The following LAMA2 variants were observed in gnomAD, a reference collection of about 807,000 sequenced individuals.
LAMA2 encodes the protein laminin subunit alpha 2.
Under a neutral mutation model 364.8 loss-of-function variants are expected in LAMA2, and 269 were observed. That is an observed-to-expected ratio of 0.74 (90% CI 0.67 to 0.82). LAMA2 has a LOEUF of 0.82. LAMA2 is among the 40% of genes least tolerant of loss of function. The pLI is 0.00. For missense variants in LAMA2, 3,807 were observed against 3,873.2 expected, an observed-to-expected ratio of 0.98 and a Z score of 0.45; for synonymous variants, 1,379 against 1,370.6, an observed-to-expected ratio of 1.01 and a Z score of -0.14.
rs768602307 is a variant in LAMA2 at position 129,192,749 on chromosome 6, G to A, written c.1678G>A (p.Asp560Asn). 5.6e-6 allele frequency: 9 copies of A among 1,614,122 alleles called. No homozygotes were observed. The highest frequency in any genetic ancestry group is 7.6e-6 in the Non-Finnish European group (9 of 1,180,008). Reference sequence around the variant, plus strand: ...CATTCGAGTGGCTCCCCAGCAGGACGACTTGGACTCACCTCAGCAGATCAG... The same window carrying A: ...CATTCGAGTGGCTCCCCAGCAGGACAACTTGGACTCACCTCAGCAGATCAG... The part of the protein sequence containing the change: ...GRIRVAPQQD[D>N]LDSPQQISIS... The change falls in exon 12 of 65, where the codon GAC becomes AAC. Residue 560 changes from aspartate (D) to asparagine (N), a missense_variant. By Grantham distance (23) the Asp-to-Asn change is conservative. This residue lies in a region of LAMA2 where 3,333 missense variants were observed against 3,345.7 expected (regional missense o/e 1.00). Transcript: ENST00000421865.
chr6:129,298,183 T>C (rs952982882), intron 21 of LAMA2, among the ~76,000 whole-genome samples: 2 of 34,856 alleles, frequency 5.7e-5, no homozygotes, highest in African/African-American at 4.3e-4. Context: ...ATTTTTCTGG[T>C]ACCAGTCTTA....
At chr6:129,144,476 C>T (rs1778315265) in intron 5 of LAMA2, among the ~76,000 whole-genome samples, 2 of 151,908 alleles carry the variant, frequency 1.3e-5, no homozygotes, top group South Asian at 4.1e-4. Flanking sequence ...GGCTTTGAAA[C>T]ATTTTTTTGC....
chr6:128,899,151 C>T (rs187877715), intron 1 of LAMA2, among the ~76,000 whole-genome samples: 1 of 152,112 alleles, frequency 6.6e-6, no homozygotes, highest in Non-Finnish European at 1.5e-5. Flanking sequence ...TATAAAATGG[C>T]CTTCATCTCC....
intron 12 of LAMA2, 48 bp from the exon 13 acceptor site, chr6:129,250,064 A>G (rs529066723): frequency 9.2e-7 from 1 of 1,089,354 alleles, no homozygotes; most frequent in African/African-American, 1.6e-5. Flanking sequence ...ATATGATTTA[A>G]TAGCCCATCT....
At chr6:129,117,672 T>C (rs143333963) in intron 4 of LAMA2, among the ~76,000 whole-genome samples, 2 of 152,318 alleles carry the variant, frequency 1.3e-5, no homozygotes, top group East Asian at 3.9e-4. Flanking sequence ...TAGCATACAG[T>C]TTGAGTGATA....
intron 4 of LAMA2, among the ~76,000 whole-genome samples, chr6:129,111,579 G>A (rs1776159332): frequency 6.6e-6 from 1 of 152,002 alleles, no homozygotes; most frequent in South Asian, 2.1e-4. Context: ...GTTTCATATG[G>A]TTTAAACTAA....
chr6:129,177,905 A>C, intron 10 of LAMA2, 39 bp downstream of exon 10: 1 of 1,595,998 alleles, frequency 6.3e-7, no homozygotes, highest in Admixed American at 1.7e-5. Context: ...CTGTCAAGAC[A>C]GAAGGTTATT....
intron 62 of LAMA2, among the ~76,000 whole-genome samples, chr6:129,509,966 A>T (rs759335179): frequency 6.5e-4 from 99 of 152,230 alleles, no homozygotes; most frequent in Middle Eastern, 3.4e-3. Context: ...GATTCTTCCA[A>T]TCCATTAACA....
intron 1 of LAMA2, among the ~76,000 whole-genome samples, chr6:128,952,816 A>G (rs913534683): frequency 6.6e-6 from 1 of 152,164 alleles, no homozygotes; most frequent in East Asian, 1.9e-4. Flanking sequence ...TGACACCTCT[A>G]TTGATCTGTC....
At chr6:129,055,686 AAGGTCCGC>A (rs1788435560) in intron 2 of LAMA2, among the ~76,000 whole-genome samples, 1 of 152,204 alleles carries the variant, frequency 6.6e-6, no homozygotes, top group Non-Finnish European at 1.5e-5. Flanking sequence ...ATAAATATGG[AAGGTCCGC>A]AGTTAATTAT....
intron 1 of LAMA2, among the ~76,000 whole-genome samples, chr6:128,974,741 A>T (rs1046332504): frequency 6.6e-6 from 1 of 152,136 alleles, no homozygotes; most frequent in African/African-American, 2.4e-5. Context: ...TTATTCCTTC[A>T]TACAGTATAT....
chr6:128,956,621 A>G (rs982719283), intron 1 of LAMA2, among the ~76,000 whole-genome samples: 3 of 152,058 alleles, frequency 2.0e-5, no homozygotes, highest in Non-Finnish European at 4.4e-5. Flanking sequence ...AATTAAAAAT[A>G]TGTCTGTCTA....
Position 129,360,397 on chromosome 6 carries a change from T to C in LAMA2, c.4718-5822T>C, listed in dbSNP as rs192328111. 2.5e-3 allele frequency among the ~76,000 whole-genome samples: 385 copies of C among 152,258 alleles called. 1 individual carries two copies. Among genetic ancestry groups the C allele is most frequent in the Non-Finnish European group, 3.2e-3 (215 of 67,998 alleles). On this transcript the variant is annotated intron_variant, in intron 32 of 64. Coordinates refer to ENST00000421865, the MANE Select transcript of LAMA2 (RefSeq NM_000426.4). ...AAAGTAGCTTCTGGTGTAAGTGAAATATTTTGTGTCAGAATAAAATAGCAA... is the reference window on the plus strand; with the variant it reads ...AAAGTAGCTTCTGGTGTAAGTGAAACATTTTGTGTCAGAATAAAATAGCAA...
chr6:129,340,383 A>C (rs1187842384), intron 29 of LAMA2, among the ~76,000 whole-genome samples: 2 of 152,148 alleles, frequency 1.3e-5, no homozygotes, highest in African/African-American at 2.4e-5. Flanking sequence ...ATGGTGGAGA[A>C]AATGGGGAGG....
intron 12 of LAMA2, among the ~76,000 whole-genome samples, chr6:129,220,211 A>T (rs1783730446): frequency 6.6e-6 from 1 of 152,166 alleles, no homozygotes; most frequent in Non-Finnish European, 1.5e-5. Flanking sequence ...TTTTTAACTA[A>T]ATGAAGCTTT....
At chr6:129,310,289 A>G (rs1025927055) in intron 22 of LAMA2, among the ~76,000 whole-genome samples, 1 of 152,250 alleles carries the variant, frequency 6.6e-6, no homozygotes, top group Non-Finnish European at 1.5e-5. Context: ...GATCTTGGAA[A>G]TGATAATCTC....
At chr6:128,939,830 G>A (rs1327045018) in intron 1 of LAMA2, among the ~76,000 whole-genome samples, 1 of 152,142 alleles carries the variant, frequency 6.6e-6, no homozygotes, top group Non-Finnish European at 1.5e-5. Context: ...CTCCTAGGCA[G>A]ATTCAGTTGC....
At chr6:129,264,704 T>C (rs1787380388) in intron 15 of LAMA2, among the ~76,000 whole-genome samples, 1 of 152,026 alleles carries the variant, frequency 6.6e-6, no homozygotes, top group South Asian at 2.1e-4. Flanking sequence ...TGTGATGTCA[T>C]GAAGTTGAGA....
At chr6:129,457,611 TC>T (rs1444474609) in intron 48 of LAMA2, among the ~76,000 whole-genome samples, 1 of 152,134 alleles carries the variant, frequency 6.6e-6, no homozygotes, top group Non-Finnish European at 1.5e-5. Context: ...TTATAACTCT[TC>T]CTATATGCTA....
Sources: gnomAD v4.1 joint callset for allele counts (sites outside exome capture counted in the v4.1 genomes callset) on GRCh38, gnomAD v4.1.1 for gene constraint, gnomAD v4.1.1 regional missense constraint, MANE v1.5 for transcripts, NCBI Gene and HGNC (gene_info 2026-07-23, HGNC 2026-07-21) for gene names.